The following PDE8B variants were observed in gnomAD, a reference collection of about 807,000 sequenced individuals.
PDE8B encodes phosphodiesterase 8B.
Under a neutral mutation model 101.3 loss-of-function variants are expected in PDE8B, and 26 were observed. That is an observed-to-expected ratio of 0.26 (90% CI 0.19 to 0.36). PDE8B has a LOEUF of 0.36. Ranked by LOEUF, PDE8B falls within the 10% of genes least tolerant of loss-of-function variation. The pLI is 1.00. For synonymous variants in PDE8B, 424 were observed against 429.3 expected, an observed-to-expected ratio of 0.99 and a Z score of 0.15; for missense variants, 810 against 1,163.1, an observed-to-expected ratio of 0.70 and a Z score of 4.42.
At chr5:77,177,271 C>T in the PDE8B span, among the ~76,000 whole-genome samples, 1 of 152,300 alleles carries the variant, frequency 6.6e-6, no homozygotes, top group African/African-American at 2.4e-5. Context: ...CCCCCTTATC[C>T]GCAAGGGATA....
chr5:77,290,614 T>TG, intron 1 of PDE8B: 1 of 1,509,330 alleles, frequency 6.6e-7, no homozygotes, highest in Middle Eastern at 2.3e-4. Context: ...GTGGAAGGTG[T>TG]GGGTGAAGTT....
the PDE8B span, among the ~76,000 whole-genome samples, chr5:77,167,823 C>T: frequency 1.3e-5 from 2 of 152,086 alleles, no homozygotes; most frequent in Non-Finnish European, 2.9e-5. Flanking sequence ...GGAGTGAGGC[C>T]CACCCTGCGG....
chr5:77,233,694 G>A (rs1754082203), intron 1 of PDE8B, among the ~76,000 whole-genome samples: 1 of 141,040 alleles, frequency 7.1e-6, no homozygotes, highest in South Asian at 2.2e-4. Flanking sequence ...GTGTGTGTGT[G>A]TGTGTGCAGT....
chr5:77,387,205 G>A (rs987232658), intron 10 of PDE8B, among the ~76,000 whole-genome samples: 1 of 152,066 alleles, frequency 6.6e-6, no homozygotes, highest in Non-Finnish European at 1.5e-5. Context: ...GCTGGTACTG[G>A]TTTTTCCTTT....
intron 1 of PDE8B, among the ~76,000 whole-genome samples, chr5:77,305,227 G>T (rs1770910712): frequency 1.3e-5 from 2 of 152,194 alleles, no homozygotes. Context: ...CCCAGGCATT[G>T]ATATATTTTT....
intron 17 of PDE8B, among the ~76,000 whole-genome samples, chr5:77,417,797 G>A (rs904340110): frequency 1.3e-5 from 2 of 152,106 alleles, no homozygotes; most frequent in Non-Finnish European, 2.9e-5. Flanking sequence ...TACAGCTCTA[G>A]TCATTTCACC....
At position 77,427,245 on chromosome 5, in the gene PDE8B, TAAC is replaced by T. The variant is rs886060765; in HGVS notation, c.*694_*696del. The T allele has an allele frequency of 2.6e-5, 4 of 152,638 alleles. No individual in the cohort carries two copies. Among genetic ancestry groups the T allele is most frequent in the East Asian group, 3.9e-4 (2 of 5,176 alleles). 9.5% of individuals were successfully genotyped at this position (152,638 alleles called of 1,614,324 possible). On this transcript the variant is annotated 3_prime_UTR_variant, in exon 22 of 22. Transcript: ENST00000264917. ...CCTTTCCTGTAAAAGGGGTTCATCTTAACAAAGTCATCCATGATGAGGGAAAAA... is the reference window on the plus strand; with the variant it reads ...CCTTTCCTGTAAAAGGGGTTCATCTTAAAGTCATCCATGATGAGGGAAAAA...
At chr5:77,301,580 A>G (rs183506052) in intron 1 of PDE8B, among the ~76,000 whole-genome samples, 1 of 152,276 alleles carries the variant, frequency 6.6e-6, no homozygotes, top group East Asian at 1.9e-4. Context: ...CTTGTTCTCT[A>G]TTACACAATG....
At chr5:77,294,065 T>C (rs1356795758) in intron 1 of PDE8B, among the ~76,000 whole-genome samples, 1 of 152,222 alleles carries the variant, frequency 6.6e-6, no homozygotes, top group Non-Finnish European at 1.5e-5. Context: ...TCCAATTTAC[T>C]ATTTTTTTCT....
intron 1 of PDE8B, among the ~76,000 whole-genome samples, chr5:77,281,914 C>G (rs893294320): frequency 2.0e-5 from 3 of 152,292 alleles, no homozygotes; most frequent in Middle Eastern, 3.4e-3. Context: ...TATATGGGAT[C>G]ATTTGTGGGA....
At chr5:77,260,582 AT>A (rs34008487) in intron 1 of PDE8B, among the ~76,000 whole-genome samples, 9,793 of 114,786 alleles carry the variant, frequency 0.085, 155 homozygotes, top group Admixed American at 0.13. Flanking sequence ...ACTGTGGCTC[AT>A]TTTTTTTTTT....
At chr5:77,307,422 A>G (rs1771483988) in intron 1 of PDE8B, among the ~76,000 whole-genome samples, 1 of 152,204 alleles carries the variant, frequency 6.6e-6, no homozygotes, top group Non-Finnish European at 1.5e-5. Flanking sequence ...CCAAACTTCA[A>G]GCAAAAGTGA....
In PDE8B at chr5:77,350,979, G is replaced by A. The variant is rs2306345; in HGVS notation, c.1018-86G>A. 9.7e-3 allele frequency: 9,031 copies of A among 927,810 alleles called. 422 individuals carry two copies. In the African/African-American group the frequency reaches 0.12, roughly 12 times the overall value. 57.5% of individuals were successfully genotyped at this position (927,810 alleles called of 1,614,324 possible). On this transcript the variant is annotated intron_variant, in intron 8 of 21. Transcript: ENST00000264917. ...AAATGTAACGAGAGCATGTGGGAAT[G>A]TTCCTTCTCAGCCTTCTGAGACCCT...
chr5:77,367,275 A>T (rs1170756906), intron 10 of PDE8B, among the ~76,000 whole-genome samples: 1 of 152,100 alleles, frequency 6.6e-6, no homozygotes, highest in African/African-American at 2.4e-5. Context: ...GCTGAAGGTG[A>T]GCAGCGTTGT....
intron 1 of PDE8B, among the ~76,000 whole-genome samples, chr5:77,293,858 G>A (rs1767923504): frequency 6.6e-6 from 1 of 152,130 alleles, no homozygotes; most frequent in African/African-American, 2.4e-5. Flanking sequence ...TTGGTGAGGT[G>A]TCTGTTCAGA....
At chr5:77,308,765 G>C (rs183417976) in intron 1 of PDE8B, among the ~76,000 whole-genome samples, 5 of 152,310 alleles carry the variant, frequency 3.3e-5, no homozygotes, top group Admixed American at 1.3e-4. Flanking sequence ...GGGACTTAAG[G>C]AATGTTCACA....
chr5:77,135,764 C>A, the PDE8B span, among the ~76,000 whole-genome samples: 1 of 151,804 alleles, frequency 6.6e-6, no homozygotes, highest in Non-Finnish European at 1.5e-5. Context: ...CATGAGCCAC[C>A]GTGCCTGGCT....
intron 10 of PDE8B, among the ~76,000 whole-genome samples, chr5:77,394,017 C>G (rs1329159373): frequency 6.6e-6 from 1 of 152,152 alleles, no homozygotes; most frequent in East Asian, 1.9e-4. Context: ...ACCAGTGTTT[C>G]CAATTGTGTC....
At chr5:77,129,871 T>C in the PDE8B span, among the ~76,000 whole-genome samples, 1 of 152,216 alleles carries the variant, frequency 6.6e-6, no homozygotes, top group Non-Finnish European at 1.5e-5. Context: ...GCTCACTGTT[T>C]TCCATCTCGG....
Sources: allele counts gnomAD v4.1 joint callset (sites outside exome capture counted in the v4.1 genomes callset), GRCh38; gene constraint gnomAD v4.1.1; transcripts MANE v1.5; gene names NCBI Gene and HGNC (gene_info 2026-07-23, HGNC 2026-07-21).